CACNA2D4: variants seen among roughly 807,000 people sequenced by gnomAD.
CACNA2D4 encodes the protein calcium voltage-gated channel auxiliary subunit alpha2delta 4, also known as voltage-dependent calcium channel subunit alpha-2/delta-4.
CACNA2D4 carries 157 observed loss-of-function variants against 163.8 expected under a neutral mutation model. The observed-to-expected ratio is 0.96, with a 90% CI of 0.84 to 1.09. The LOEUF is 1.09. CACNA2D4 is among the 50% of genes least tolerant of loss of function. The probability of loss-of-function intolerance (pLI) is 0.00; values close to 1 mark genes in which losing one functional copy is unlikely to be tolerated. For missense variants in CACNA2D4, 1,410 were observed against 1,479.9 expected (o/e 0.95, Z 0.78); for synonymous variants, 598 against 586.9 (o/e 1.02, Z -0.27).
At chr12:1,873,397 T>C (rs1242263625) in intron 18 of CACNA2D4, among the ~76,000 whole-genome samples, 1 of 152,130 alleles carries the variant, frequency 6.6e-6, no homozygotes, top group Non-Finnish European at 1.5e-5. Context: ...GCCTACTGCA[T>C]TTGGTTAGGA....
At chr12:1,797,615 G>T in intron 34 of CACNA2D4, 80 bp from the exon 35 acceptor site, 1 of 1,040,746 alleles carries the variant, frequency 9.6e-7, no homozygotes, top group Non-Finnish European at 1.4e-6. Flanking sequence ...CCCAGGGCCA[G>T]AGTTCACCCC....
In CACNA2D4 at chr12:1,859,201, C is replaced by A. The variant is rs1004425009; in HGVS notation, c.1941-557G>T. 2.6e-5 allele frequency among the ~76,000 whole-genome samples: 4 copies of A among 151,650 alleles called. No homozygotes were observed. In the East Asian group the frequency reaches 5.8e-4, roughly 22 times the overall value. Reference sequence around the variant, plus strand: ...CCAGCTCTAAAATTTTTTTTTTAATCAAAAAATTAATGGGGTGTGGTGGCA... The same window carrying A: ...CCAGCTCTAAAATTTTTTTTTTAATAAAAAAATTAATGGGGTGTGGTGGCA... On this transcript the variant is annotated intron_variant, in intron 19 of 37. Transcript: ENST00000382722.
intron 6 of CACNA2D4, among the ~76,000 whole-genome samples, chr12:1,896,602 AAT>A (rs1866405738): frequency 8.3e-6 from 1 of 120,046 alleles, no homozygotes; most frequent in Non-Finnish European, 1.7e-5. Context: ...AATAGCTATT[AAT>A]AAACACACAC....
At position 1,793,383 on chromosome 12, in the gene CACNA2D4, G is replaced by C. The variant is rs1304475679; in HGVS notation, c.*272C>G. On this transcript the variant is annotated 3_prime_UTR_variant, in exon 38 of 38. Transcript: ENST00000382722. ...GAGCTCACGCTGGCTTCCCGAAGAG[G>C]AGACAGGAAGGTTAGGTCAGAAGTA... 1.9e-6 allele frequency: 1 copy of C among 533,172 alleles called. No individual in the cohort carries two copies. The highest frequency in any genetic ancestry group is 3.1e-5 in the Admixed American group (1 of 31,898). The allele number at this position is 533,172 out of a possible 1,614,324, so 33.0% of individuals were successfully genotyped here.
chr12:1,871,061 G>C (rs555556010), intron 18 of CACNA2D4, among the ~76,000 whole-genome samples: 5 of 151,960 alleles, frequency 3.3e-5, no homozygotes, highest in Non-Finnish European at 7.4e-5. Context: ...GTGTGTTGCT[G>C]GTGGTGTGTA....
chr12:1,860,604 A>T (rs1036253506), intron 18 of CACNA2D4, among the ~76,000 whole-genome samples: 4 of 152,204 alleles, frequency 2.6e-5, no homozygotes, highest in Non-Finnish European at 5.9e-5. Flanking sequence ...CCATGACTCT[A>T]TGGTTCCTAG....
rs753009597 is a variant in CACNA2D4, at chr12:1,795,372, G to C, written c.3236C>G (p.Ser1079Cys). 1.9e-6 allele frequency: 3 copies of C among 1,611,066 alleles called. No individual in the cohort carries two copies. The highest frequency in any genetic ancestry group is 2.5e-6 in the Non-Finnish European group (3 of 1,179,742). The change falls in exon 37 of 38, where the codon TCT (serine) becomes TGT (cysteine). Residue 1079 changes from serine (S) to cysteine (C), a missense_variant. Physicochemically the swap from Ser to Cys is moderately radical, Grantham distance 112. Coordinates refer to ENST00000382722, the MANE Select transcript of CACNA2D4 (RefSeq NM_172364.5). ...GGAGCGCATCCGGTCACATTTGACA[G>C]AGGCATTATGTGCAGAAGCCACTGT... ...QEATEVKYNA[S>C]VKCDRMRSQK... is the part of the protein sequence containing the mutation.
At chr12:1,810,510 C>T in intron 28 of CACNA2D4, 33 bp downstream of exon 28, 1 of 1,551,564 alleles carries the variant, frequency 6.4e-7, no homozygotes, top group South Asian at 1.2e-5. Flanking sequence ...CCATGGCTCC[C>T]TCCTCCACCT....
chr12:1,896,648 C>CA (rs1287942739), intron 6 of CACNA2D4, among the ~76,000 whole-genome samples: 10 of 136,666 alleles, frequency 7.3e-5, no homozygotes, highest in South Asian at 2.4e-4. Flanking sequence ...CACACACACA[C>CA]ACACACAAAA....
In CACNA2D4 at chr12:1,856,040, G is replaced by C. The variant is rs2154448364; in HGVS notation, c.2124C>G (p.Phe708Leu). ...KLSQLEAMIR[F>L]LTRKDPDLEC... is the part of the protein sequence containing the mutation. ...CCAGGTCTGGGTCCTTCCTGGTGAG[G>C]AAGCGGATCATGGCCTCTAGCTGGC... Residue 708 changes from phenylalanine to leucine, a missense_variant, in exon 22 of 38, where the codon TTC (phenylalanine) becomes TTG (leucine). Coordinates refer to ENST00000382722, the MANE Select transcript of CACNA2D4 (RefSeq NM_172364.5). The C allele has an allele frequency of 6.2e-7, 1 of 1,613,976 alleles. No homozygotes were observed. Among genetic ancestry groups the C allele is most frequent in the East Asian group, 2.2e-5 (1 of 44,882 alleles).
rs541655053 is a variant in CACNA2D4 at position 1,801,252 on chromosome 12, A to G, written c.2793-134T>C. The stretch of plus-strand genomic sequence containing the variant: ...GCCTGAGCTAGGACAGCAGATCAGA[A>G]TACAGCTCATGCTGAAAATTACATT... On this transcript the variant is annotated intron_variant, in intron 30 of 37. Transcript: ENST00000382722. The G allele has an allele frequency of 2.9e-4, 211 of 728,074 alleles. 3 individuals are homozygous for G. The highest frequency in any genetic ancestry group is 2.8e-3 in the South Asian group (189 of 66,486). The allele number at this position is 728,074 out of a possible 1,614,324, so 45.1% of individuals were successfully genotyped here. A position where few individuals can be genotyped will look rare whatever the true frequency, so the allele number is the denominator to read the frequency against.
chr12:1,814,204 G>A (rs1327150817), intron 26 of CACNA2D4, among the ~76,000 whole-genome samples: 1 of 152,156 alleles, frequency 6.6e-6, no homozygotes, highest in Non-Finnish European at 1.5e-5. Context: ...ATAGAATCAT[G>A]AGATTTCTGA....
At chr12:1,814,704 C>A (rs908781723) in intron 26 of CACNA2D4, among the ~76,000 whole-genome samples, 1 of 152,250 alleles carries the variant, frequency 6.6e-6, no homozygotes, top group Non-Finnish European at 1.5e-5. Flanking sequence ...TCCATCTCCA[C>A]CGTTACCACC....
At chr12:1,912,523 G>A (rs1190099916) in intron 3 of CACNA2D4, among the ~76,000 whole-genome samples, 1 of 152,206 alleles carries the variant, frequency 6.6e-6, no homozygotes, top group African/African-American at 2.4e-5. Flanking sequence ...AGCCATGAAG[G>A]TGGGTCCTGA....
intron 6 of CACNA2D4, among the ~76,000 whole-genome samples, chr12:1,896,770 T>G (rs1376365830): frequency 6.6e-6 from 1 of 151,978 alleles, no homozygotes; most frequent in Non-Finnish European, 1.5e-5. Context: ...AAACTAAAAA[T>G]AGAACTACCA....
chr12:1,904,400 A>G (rs1402482122), intron 6 of CACNA2D4, among the ~76,000 whole-genome samples: 2 of 36,278 alleles, frequency 5.5e-5, no homozygotes, highest in Non-Finnish European at 1.0e-4. Flanking sequence ...CAAAGGATAA[A>G]TGCTTGAGGC....
chr12:1,813,063 T>G (rs1863761686), intron 26 of CACNA2D4, among the ~76,000 whole-genome samples: 1 of 152,206 alleles, frequency 6.6e-6, no homozygotes. Context: ...GGTCCAGCCC[T>G]GCATTTTCCA....
intron 3 of CACNA2D4, among the ~76,000 whole-genome samples, chr12:1,912,094 G>A (rs547907224): frequency 6.6e-6 from 1 of 152,320 alleles, no homozygotes; most frequent in East Asian, 1.9e-4. Context: ...GATGGGGGTG[G>A]GGGTACACTG....
At position 1,874,613 on chromosome 12, in the gene CACNA2D4, C is replaced by T; in HGVS notation, c.1869G>A (p.Met623Ile). 2 of 1,611,070 alleles carry T rather than the reference C, an allele frequency of 1.2e-6. No individual in the cohort carries two copies. Among genetic ancestry groups the T allele is most frequent in the Non-Finnish European group, 1.7e-6 (2 of 1,177,342 alleles). ...GTTTCTAGCTCCTTACCCCTTTATC[C>T]ATCGGAACCTTCACATCCATCGAGA... Reference protein sequence around the residue: ...GTLSMDVKVPMDKGKRVLFLT... With the variant: ...GTLSMDVKVPIDKGKRVLFLT... The change falls in exon 18 of 38, where the codon ATG becomes ATA. Residue 623 changes from methionine (M) to isoleucine (I), a missense_variant. Transcript: ENST00000382722. This position sits in a 1 kb window ranked among gnomAD's most constrained non-coding sequence, Gnocchi z 4.4.
Sources: allele counts gnomAD v4.1 joint callset (sites outside exome capture counted in the v4.1 genomes callset), GRCh38; gene constraint gnomAD v4.1.1; non-coding constraint Gnocchi (gnomAD v3.1); transcripts MANE v1.5; gene names NCBI Gene and HGNC (gene_info 2026-07-23, HGNC 2026-07-21).